Variants in SLC5A5 observed in about 807,000 individuals in gnomAD.
SLC5A5 encodes the protein solute carrier family 5 member 5.
SLC5A5 carries 56 observed loss-of-function variants against 68.6 expected under a neutral mutation model. The ratio of observed to expected loss-of-function variants is 0.82; its 90% CI spans 0.66 to 1.02. SLC5A5 has a LOEUF of 1.02. Ranked by LOEUF, SLC5A5 falls within the 50% of genes least tolerant of loss-of-function variation. The probability of loss-of-function intolerance (pLI) is 0.00; values close to 1 mark genes in which losing one functional copy is unlikely to be tolerated. For missense variants in SLC5A5, 807 were observed against 859.8 expected, an observed-to-expected ratio of 0.94 and a Z score of 0.77; for synonymous variants, 398 against 373.0, an observed-to-expected ratio of 1.07 and a Z score of -0.77.
intron 12 of SLC5A5, among the ~76,000 whole-genome samples, chr19:17,886,824 A>C (rs1422995771): frequency 6.6e-6 from 1 of 152,132 alleles, no homozygotes; most frequent in African/African-American, 2.4e-5. Context: ...TTCATTGGCC[A>C]TTTGTGCATC....
chr19:17,891,876 A>G (rs2147756050), intron 14 of SLC5A5, among the ~76,000 whole-genome samples: 1 of 152,248 alleles, frequency 6.6e-6, no homozygotes, highest in South Asian at 2.1e-4. Flanking sequence ...CTGTGTACCC[A>G]GTCCTGCTCT....
At chr19:17,876,416 G>T (rs1479135153) in intron 5 of SLC5A5, among the ~76,000 whole-genome samples, 1 of 127,134 alleles carries the variant, frequency 7.9e-6, no homozygotes, top group Non-Finnish European at 1.6e-5. Context: ...GACAGAGCTA[G>T]ACCCTGTCTC....
intron 14 of SLC5A5, among the ~76,000 whole-genome samples, chr19:17,891,694 G>T (rs1055384857): frequency 6.6e-6 from 1 of 152,136 alleles, no homozygotes; most frequent in African/African-American, 2.4e-5. Flanking sequence ...GTCAACTTGG[G>T]GAAAAAATCT....
intron 10 of SLC5A5, 117 bp from the exon 11 acceptor site, chr19:17,883,564 A>G: frequency 1.2e-6 from 1 of 841,670 alleles, no homozygotes; most frequent in Non-Finnish European, 2.1e-6. Flanking sequence ...TGAGACACAG[A>G]GGAGTCCTTG....
At chr19:17,888,061 A>G (rs527625305) in intron 12 of SLC5A5, among the ~76,000 whole-genome samples, 95 of 152,278 alleles carry the variant, frequency 6.2e-4, no homozygotes, top group Non-Finnish European at 1.1e-3. Flanking sequence ...GGTGACAGGG[A>G]GCCACAGAGG....
chr19:17,890,925 G>C lies in SLC5A5; in HGVS notation c.1691G>C (p.Trp564Ser). ...KRSTLAPGLL[W>S]WDLARQTASV... The stretch of plus-strand genomic sequence containing the variant: ...AGCACCCTGGCCCCGGGATTGTTGT[G>C]GTGGGACCTCGCACGGCAGACAGCA... Residue 564 changes from tryptophan (W) to serine (S), a missense_variant, in exon 14 of 15, where the codon TGG (tryptophan) becomes TCG (serine). Physicochemically the swap from Trp to Ser is radical, Grantham distance 177. Transcript: ENST00000222248. 3 of 1,614,104 alleles carry C rather than the reference G, an allele frequency of 1.9e-6. No individual in the cohort carries two copies. Among genetic ancestry groups the C allele is most frequent in the Non-Finnish European group, 2.5e-6 (3 of 1,179,996 alleles).
At chr19:17,876,588 G>C (rs993875118) in intron 5 of SLC5A5, among the ~76,000 whole-genome samples, 2 of 152,074 alleles carry the variant, frequency 1.3e-5, no homozygotes, top group Non-Finnish European at 2.9e-5. Context: ...ATTAGGCTGG[G>C]CGCGGTGGCT....
intron 12 of SLC5A5, 29 bp from the exon 13 acceptor site, chr19:17,888,302 G>T: frequency 6.2e-7 from 1 of 1,613,040 alleles, no homozygotes; most frequent in Non-Finnish European, 8.5e-7. Flanking sequence ...TAAAAGAGGA[G>T]GTTCAAGTCT....
chr19:17,880,903 G>A lies in SLC5A5; in HGVS notation c.1008G>A (p.Leu336=), dbSNP rs1214952590. Residue 336 remains leucine (L), a synonymous_variant, in exon 8 of 15, where the codon CTG becomes CTA. Coordinates refer to ENST00000222248, the MANE Select transcript of SLC5A5 (RefSeq NM_000453.3). The part of the protein sequence containing the change: ...PLLVLDIFED[L]PGVPGLFLAC... ...TGGTGCTGGACATCTTCGAAGATCTGCCTGGAGTCCCCGGGCTTTTCCTGG... is the reference window on the plus strand; with the variant it reads ...TGGTGCTGGACATCTTCGAAGATCTACCTGGAGTCCCCGGGCTTTTCCTGG... 6.2e-7 allele frequency: 1 copy of A among 1,614,008 alleles called. No individual in the cohort carries two copies. The highest frequency in any genetic ancestry group is 1.1e-5 in the South Asian group (1 of 91,078).
At chr19:17,889,159 G>A (rs1393055411) in intron 13 of SLC5A5, among the ~76,000 whole-genome samples, 1 of 151,964 alleles carries the variant, frequency 6.6e-6, no homozygotes, top group Non-Finnish European at 1.5e-5. Flanking sequence ...CACTTTGGGA[G>A]GCCGAGGCGG....
At chr19:17,883,603 G>C (rs959848563) in intron 10 of SLC5A5, 78 bp from the exon 11 acceptor site, 2 of 1,203,260 alleles carry the variant, frequency 1.7e-6, no homozygotes, top group South Asian at 2.4e-5. Context: ...CTGAGGTCTC[G>C]CTTTCCCAGC....
intron 5 of SLC5A5, 149 bp from the exon 6 acceptor site, chr19:17,877,574 C>G: frequency 1.0e-6 from 1 of 990,564 alleles, no homozygotes; most frequent in Non-Finnish European, 1.5e-6. Context: ...TCCCAAAGTG[C>G]TGGGATTACA....
rs764660785 is a variant in SLC5A5, at chr19:17,893,748, C to A, written c.1803C>A (p.Pro601=). ...AACTCCCCACTGGAAACAAGAAGCC[C>A]CCTGGCTTCCTGCCCACCAATGAGG... is the stretch of plus-strand genomic sequence containing the variant. ...PEELPTGNKK[P]PGFLPTNEDR... Residue 601 remains proline (P), a synonymous_variant, in exon 15 of 15, where the codon CCC becomes CCA. Coordinates refer to ENST00000222248, the MANE Select transcript of SLC5A5 (RefSeq NM_000453.3). 3.1e-6 allele frequency: 5 copies of A among 1,613,868 alleles called. No individual in the cohort carries two copies. In the Admixed American group the frequency reaches 5.0e-5, roughly 16 times the overall value.
intron 7 of SLC5A5, among the ~76,000 whole-genome samples, 171 bp from the exon 8 acceptor site, chr19:17,880,694 T>TCAAAACAAAA (rs144134876): frequency 3.6e-4 from 54 of 151,734 alleles, no homozygotes; most frequent in Admixed American, 4.6e-4. Context: ...AGATCTTTTC[T>TCAAAACAAAA]CAAAACAAAA....
intron 7 of SLC5A5, among the ~76,000 whole-genome samples, chr19:17,879,424 T>C (rs541573243): frequency 6.0e-4 from 91 of 152,372 alleles, no homozygotes; most frequent in Non-Finnish European, 4.6e-4. Flanking sequence ...GCGTCCACTC[T>C]GTGCCTCATG....
rs8108188 is a variant in SLC5A5 at position 17,878,016 on chromosome 19, T to G, written c.892T>G (p.Cys298Gly). The G allele has an allele frequency of 3.9e-4, 631 of 1,613,432 alleles. 3 individuals carry two copies. In the African/African-American group the frequency reaches 7.6e-3, roughly 19 times the overall value. The part of the protein sequence containing the change: ...GLFLIVSSAA[C>G]CGIVMFVFYT... ...GTTCCTGATCGTGTCCAGCGCTGCC[T>G]GCTGTGGCATCGTCATGTTTGTGTT... The change falls in exon 7 of 15, where the codon TGC becomes GGC. Residue 298 changes from cysteine to glycine, a missense_variant. Transcript: ENST00000222248.
chr19:17,887,822 G>C (rs1307194399), intron 12 of SLC5A5, among the ~76,000 whole-genome samples: 2 of 150,970 alleles, frequency 1.3e-5, no homozygotes, highest in African/African-American at 4.9e-5. Flanking sequence ...TAGCCAGGAT[G>C]GTCTCGATCT....
chr19:17,878,132 C>T (rs1240880472), intron 7 of SLC5A5, 39 bp downstream of exon 7: 2 of 1,603,144 alleles, frequency 1.2e-6, no homozygotes, highest in Non-Finnish European at 1.7e-6. Flanking sequence ...TCTGCACTCC[C>T]TCACTAGCTT....
At chr19:17,874,349 A>G (rs1351422235) in intron 2 of SLC5A5, 145 bp from the exon 3 acceptor site, 44 of 592,468 alleles carry the variant, frequency 7.4e-5, no homozygotes, top group Middle Eastern at 5.8e-4. Flanking sequence ...CTCCCACACC[A>G]CAGCCGGCCT....
Sources: gnomAD v4.1 joint callset for allele counts (sites outside exome capture counted in the v4.1 genomes callset) on GRCh38, gnomAD v4.1.1 for gene constraint, MANE v1.5 for transcripts, NCBI Gene and HGNC (gene_info 2026-07-23, HGNC 2026-07-21) for gene names.